IER3IP1: variants seen among roughly 807,000 people sequenced by gnomAD.
The protein encoded by IER3IP1 is immediate early response 3 interacting protein 1, also known as immediate early response 3-interacting protein 1.
A neutral mutation model predicts 12.2 loss-of-function variants in IER3IP1; 16 were observed. The observed-to-expected ratio is 1.31, with a 90% CI of 0.89 to 1.99. IER3IP1 has a LOEUF of 1.99. IER3IP1 is among the 30% of genes most tolerant of loss of function. IER3IP1 has a pLI of 0.00. For synonymous variants in IER3IP1, 42 were observed against 40.0 expected, an observed-to-expected ratio of 1.05 and a Z score of -0.19; for missense variants, 95 against 95.8, an observed-to-expected ratio of 0.99 and a Z score of 0.03.
chr18:47,159,293 T>C (rs931202026), intron 1 of IER3IP1, among the ~76,000 whole-genome samples: 8 of 152,350 alleles, frequency 5.3e-5, no homozygotes, highest in Admixed American at 1.3e-4. Flanking sequence ...TAGGTCACCA[T>C]TGCATATGCA....
At position 47,172,284 on chromosome 18, in the gene IER3IP1, C is replaced by A. The variant is rs2064017923; in HGVS notation, c.91+3903G>T. Reference sequence around the variant, plus strand: ...CTTCAAGCTACCTTTTCTTCTTTTCCTCCAACTTAAAGATAACATTGGATA... The same window carrying A: ...CTTCAAGCTACCTTTTCTTCTTTTCATCCAACTTAAAGATAACATTGGATA... On this transcript the variant is annotated intron_variant, in intron 1 of 2. Coordinates refer to ENST00000256433, the MANE Select transcript of IER3IP1 (RefSeq NM_016097.5). The surrounding 1 kb of genome is among the most constrained non-coding windows in gnomAD (Gnocchi z 4.0). Among the ~76,000 whole-genome samples the A allele has an allele frequency of 6.6e-6, 1 of 152,120 alleles. No homozygotes were observed. The highest frequency in any genetic ancestry group is 2.1e-4 in the South Asian group (1 of 4,820).
At chr18:47,166,842 C>A (rs2063997513) in intron 1 of IER3IP1, among the ~76,000 whole-genome samples, 1 of 152,136 alleles carries the variant, frequency 6.6e-6, no homozygotes, top group Admixed American at 6.5e-5. Context: ...TTTTAAACTT[C>A]TATTTTAAAA....
At chr18:47,176,136 C>T in intron 1 of IER3IP1, 51 bp downstream of exon 1, 1 of 1,481,514 alleles carries the variant, frequency 6.7e-7, no homozygotes, top group Non-Finnish European at 9.2e-7. Flanking sequence ...AGGTTACGCG[C>T]CCCCGGGGAC....
At chr18:47,168,243 A>G (rs1722894705) in intron 1 of IER3IP1, among the ~76,000 whole-genome samples, 1 of 148,462 alleles carries the variant, frequency 6.7e-6, no homozygotes, top group Non-Finnish European at 1.5e-5. Flanking sequence ...CAGAGGATGC[A>G]GTGAGCAGAG....
In IER3IP1 at chr18:47,155,115, T is replaced by C. The variant is rs553276861; in HGVS notation, c.*1062A>G. On this transcript the variant is annotated 3_prime_UTR_variant, in exon 3 of 3. Transcript: ENST00000256433. ...GATGCCATTCTACACCTTTAAAATATTGTAACTGATAATTTCCATAAAAAC... is the reference window on the plus strand; with the variant it reads ...GATGCCATTCTACACCTTTAAAATACTGTAACTGATAATTTCCATAAAAAC... The C allele has an allele frequency of 1.3e-5, 2 of 152,246 alleles. No homozygotes were observed. The highest frequency in any genetic ancestry group is 4.8e-5 in the African/African-American group (2 of 41,474). 9.4% of individuals were successfully genotyped at this position (152,246 alleles called of 1,614,324 possible).
intron 1 of IER3IP1, among the ~76,000 whole-genome samples, chr18:47,171,245 CT>C (rs1192357722): frequency 6.6e-6 from 1 of 152,160 alleles, no homozygotes; most frequent in Non-Finnish European, 1.5e-5. Context: ...GGTATATAAT[CT>C]CTTTTATAGG....
chr18:47,168,145 AAAAAAAAAAAT>A lies in IER3IP1; in HGVS notation c.91+8031_91+8041del, dbSNP rs756593612. On this transcript the variant is annotated intron_variant, in intron 1 of 2. Coordinates refer to ENST00000256433, the MANE Select transcript of IER3IP1 (RefSeq NM_016097.5). ...CGTCTCAAAAAAAAAAAAAAAAAAA[AAAAAAAAAAAT>A]TTTAGCTAGGTGGTGGTGGGTTCCT... Among the ~76,000 whole-genome samples the A allele has an allele frequency of 7.8e-4, 112 of 143,688 alleles. 5 individuals carry two copies. Among genetic ancestry groups the A allele is most frequent in the African/African-American group, 2.6e-3 (99 of 37,764 alleles). The allele number at this position is 143,688 out of a possible 152,430, so 94.3% of individuals were successfully genotyped here.
intron 1 of IER3IP1, among the ~76,000 whole-genome samples, chr18:47,166,098 G>T (rs2063995145): frequency 6.6e-6 from 1 of 152,018 alleles, no homozygotes; most frequent in African/African-American, 2.4e-5. Flanking sequence ...ACTTCATTAT[G>T]TGGCATTTTT....
intron 1 of IER3IP1, among the ~76,000 whole-genome samples, chr18:47,158,580 G>A (rs988363712): frequency 2.6e-5 from 4 of 151,614 alleles, no homozygotes; most frequent in African/African-American, 9.7e-5. Context: ...GGGCTCAAGC[G>A]ATCGACCCAC....
intron 1 of IER3IP1, among the ~76,000 whole-genome samples, chr18:47,166,465 C>T (rs1430031062): frequency 1.3e-5 from 2 of 151,876 alleles, no homozygotes; most frequent in African/African-American, 4.8e-5. Flanking sequence ...GGGGTTAAGT[C>T]AAGGTCACTA....
At chr18:47,167,777 CTCTTA>C (rs2064000709) in intron 1 of IER3IP1, among the ~76,000 whole-genome samples, 1 of 152,114 alleles carries the variant, frequency 6.6e-6, no homozygotes, top group Non-Finnish European at 1.5e-5. Context: ...CCAAGTATTT[CTCTTA>C]TAAACCCAAA....
chr18:47,161,816 A>G (rs2144427928), intron 1 of IER3IP1, among the ~76,000 whole-genome samples: 1 of 151,826 alleles, frequency 6.6e-6, no homozygotes, highest in Admixed American at 6.6e-5. Context: ...ACAACTCACC[A>G]TAATGTAGAA....
chr18:47,171,552 T>G (rs1435518361), intron 1 of IER3IP1, among the ~76,000 whole-genome samples: 3 of 152,224 alleles, frequency 2.0e-5, no homozygotes, highest in African/African-American at 7.2e-5. Context: ...ATAGGTCTAT[T>G]CGGATTTCCC....
At position 47,172,641 on chromosome 18, in the gene IER3IP1, A is replaced by G. The variant is rs2064019110; in HGVS notation, c.91+3546T>C. Among the ~76,000 whole-genome samples the G allele has an allele frequency of 6.6e-6, 1 of 152,254 alleles. No individual in the cohort carries two copies. Reference sequence around the variant, plus strand: ...GGGAAGATTCATGTCCTCATGATACAGGATTCATCACGCTACTCAGAACAG... The same window carrying G: ...GGGAAGATTCATGTCCTCATGATACGGGATTCATCACGCTACTCAGAACAG... On this transcript the variant is annotated intron_variant, in intron 1 of 2. Transcript: ENST00000256433. The surrounding 1 kb of genome is among the most constrained non-coding windows in gnomAD (Gnocchi z 4.0).
Position 47,172,489 on chromosome 18 carries a change from AAGATTCCACAGT to A in IER3IP1, c.91+3686_91+3697del, listed in dbSNP as rs765073584. Reference sequence around the variant, plus strand: ...CCCCTTAATCTTGGAGATACACTTCAAGATTCCACAGTAGATGCCTGAAACAGAAGATAGTAC... The same window carrying A: ...CCCCTTAATCTTGGAGATACACTTCAAGATGCCTGAAACAGAAGATAGTAC... On this transcript the variant is annotated intron_variant, in intron 1 of 2. Transcript: ENST00000256433. This position sits in a 1 kb window ranked among gnomAD's most constrained non-coding sequence, Gnocchi z 4.0. Among the ~76,000 whole-genome samples, 2 of 152,144 alleles carry A rather than the reference AAGATTCCACAGT, an allele frequency of 1.3e-5. No homozygotes were observed. The highest frequency in any genetic ancestry group is 2.9e-5 in the Non-Finnish European group (2 of 68,028).
In IER3IP1 at chr18:47,172,448, A is replaced by C. The variant is rs1020990606; in HGVS notation, c.91+3739T>G. On this transcript the variant is annotated intron_variant, in intron 1 of 2. Coordinates refer to ENST00000256433, the MANE Select transcript of IER3IP1 (RefSeq NM_016097.5). This position sits in a 1 kb window ranked among gnomAD's most constrained non-coding sequence, Gnocchi z 4.0. The stretch of plus-strand genomic sequence containing the variant: ...GAATCAGGATTCTTTTCAGTCCTTA[A>C]CTTACAGTAGTCCTCCCCCTTAATC... Among the ~76,000 whole-genome samples, 4 of 152,112 alleles carry C rather than the reference A, an allele frequency of 2.6e-5. No homozygotes were observed. The highest frequency in any genetic ancestry group is 9.7e-5 in the African/African-American group (4 of 41,408).
chr18:47,165,055 G>A (rs1294468280), intron 1 of IER3IP1, among the ~76,000 whole-genome samples: 1 of 152,168 alleles, frequency 6.6e-6, no homozygotes, highest in East Asian at 1.9e-4. Flanking sequence ...AAAAGTACTA[G>A]TAACAGTTTT....
At chr18:47,168,220 T>C (rs2064003141) in intron 1 of IER3IP1, among the ~76,000 whole-genome samples, 1 of 145,176 alleles carries the variant, frequency 6.9e-6, no homozygotes, top group African/African-American at 2.6e-5. Context: ...CAGAATTGCT[T>C]GAACCTGGGA....
rs2063957743 is a variant in IER3IP1 at position 47,156,082 on chromosome 18, G to A, written c.*95C>T. On this transcript the variant is annotated 3_prime_UTR_variant, in exon 3 of 3. Transcript: ENST00000256433. Reference sequence around the variant, plus strand: ...GCTTTACATTTTTGACAAGTGCAAGGTCAGCCAGCTAAGATATAAATATTC... The same window carrying A: ...GCTTTACATTTTTGACAAGTGCAAGATCAGCCAGCTAAGATATAAATATTC... 2.4e-6 allele frequency: 2 copies of A among 819,730 alleles called. No homozygotes were observed. The highest frequency in any genetic ancestry group is 4.9e-5 in the East Asian group (2 of 40,848). The allele number at this position is 819,730 out of a possible 1,614,324, so 50.8% of individuals were successfully genotyped here.
Sources: allele counts gnomAD v4.1 joint callset (sites outside exome capture counted in the v4.1 genomes callset), GRCh38; gene constraint gnomAD v4.1.1; non-coding constraint Gnocchi (gnomAD v3.1); transcripts MANE v1.5; gene names NCBI Gene and HGNC (gene_info 2026-07-23, HGNC 2026-07-21).